LRP1B: variants seen among roughly 807,000 people sequenced by gnomAD.
LRP1B encodes LDL receptor related protein 1B.
In LRP1B, 217 loss-of-function variants were observed where a neutral mutation model predicts 556.6. The ratio of observed to expected loss-of-function variants is 0.39; its 90% CI spans 0.35 to 0.44. The LOEUF (loss-of-function observed/expected upper bound fraction) is 0.44. LRP1B is among the 20% of genes least tolerant of loss of function. The pLI is 1.00. For synonymous variants in LRP1B, 2,047 were observed against 1,865.8 expected, an observed-to-expected ratio of 1.10 and a Z score of -2.50; for missense variants, 5,053 against 5,620.8, an observed-to-expected ratio of 0.90 and a Z score of 3.23.
intron 3 of LRP1B, among the ~76,000 whole-genome samples, chr2:141,360,862 A>G (rs1688801010): frequency 6.6e-6 from 1 of 152,214 alleles, no homozygotes; most frequent in Non-Finnish European, 1.5e-5. Context: ...AAGCATATAA[A>G]TATATAGCAC....
chr2:141,554,105 A>G (rs1347123249), intron 2 of LRP1B, among the ~76,000 whole-genome samples: 1 of 143,706 alleles, frequency 7.0e-6, no homozygotes, highest in African/African-American at 2.5e-5. Context: ...ATATATCTAT[A>G]TTAATAGACA....
intron 2 of LRP1B, among the ~76,000 whole-genome samples, chr2:141,776,054 G>C (rs1198817112): frequency 6.6e-6 from 1 of 151,934 alleles, no homozygotes. Flanking sequence ...CACCATGTTA[G>C]CCAGGATGGT....
intron 18 of LRP1B, among the ~76,000 whole-genome samples, chr2:140,956,732 T>C (rs1695884879): frequency 6.6e-6 from 1 of 151,752 alleles, no homozygotes; most frequent in Non-Finnish European, 1.5e-5. Flanking sequence ...TCATTTTATA[T>C]ACCAAGTATA....
At chr2:141,142,730 A>G (rs902968826) in intron 7 of LRP1B, among the ~76,000 whole-genome samples, 1 of 152,092 alleles carries the variant, frequency 6.6e-6, no homozygotes. Flanking sequence ...GAAAATAATC[A>G]TAATAGGAAT....
intron 90 of LRP1B, among the ~76,000 whole-genome samples, chr2:140,234,535 A>G (rs762731407): frequency 4.6e-4 from 70 of 151,412 alleles, no homozygotes; most frequent in Non-Finnish European, 5.3e-4. Context: ...TGTTCACTGT[A>G]AAGGGACAAT....
chr2:140,432,513 A>G (rs1685995460), intron 66 of LRP1B, among the ~76,000 whole-genome samples: 1 of 152,184 alleles, frequency 6.6e-6, no homozygotes, highest in Non-Finnish European at 1.5e-5. Flanking sequence ...ATAGCCAGTT[A>G]TTACTGCTCA....
rs74326030 is a variant in LRP1B, at chr2:141,020,811, G to A, written c.1790-709C>T. Among the ~76,000 whole-genome samples, 732 of 151,956 alleles carry A rather than the reference G, an allele frequency of 4.8e-3. 7 individuals are homozygous for A. The highest frequency in any genetic ancestry group is 0.017 in the African/African-American group (698 of 41,484). The stretch of plus-strand genomic sequence containing the variant: ...AATTCAAACCCTTTATTTTATAAAG[G>A]GGGGGTAACTAAAACTTCAAAGTGA... On this transcript the variant is annotated intron_variant, in intron 11 of 90. Coordinates refer to ENST00000389484, the MANE Select transcript of LRP1B (RefSeq NM_018557.3).
intron 35 of LRP1B, among the ~76,000 whole-genome samples, chr2:140,758,619 C>CT (rs1688816038): frequency 6.6e-6 from 1 of 151,894 alleles, no homozygotes; most frequent in African/African-American, 2.4e-5. Context: ...AATCACCATT[C>CT]TTTTTACTTA....
intron 18 of LRP1B, among the ~76,000 whole-genome samples, chr2:140,961,563 T>C (rs938934569): frequency 8.5e-5 from 13 of 152,130 alleles, no homozygotes; most frequent in African/African-American, 3.1e-4. Flanking sequence ...ATTTTTGTTG[T>C]ATATCACTTC....
intron 1 of LRP1B, among the ~76,000 whole-genome samples, chr2:141,898,726 A>C (rs1699530408): frequency 6.6e-6 from 1 of 152,112 alleles, no homozygotes; most frequent in African/African-American, 2.4e-5. Flanking sequence ...GCAGGAAGTA[A>C]ATTTGTTGTG....
At chr2:140,697,927 A>C (rs1179595302) in intron 41 of LRP1B, among the ~76,000 whole-genome samples, 1 of 152,104 alleles carries the variant, frequency 6.6e-6, no homozygotes, top group African/African-American at 2.4e-5. Context: ...AAAATCTCAA[A>C]TGTTATTTTA....
intron 1 of LRP1B, among the ~76,000 whole-genome samples, chr2:142,099,235 G>A (rs1259838702): frequency 6.6e-6 from 1 of 151,812 alleles, no homozygotes; most frequent in Non-Finnish European, 1.5e-5. Context: ...TGATCTTACT[G>A]AGATATTTCA....
chr2:140,466,087 G>A (rs952259136), intron 60 of LRP1B, among the ~76,000 whole-genome samples: 2 of 149,904 alleles, frequency 1.3e-5, no homozygotes, highest in African/African-American at 4.9e-5. Context: ...AGGTCGGGGG[G>A]TGGGAAGTAT....
chr2:140,672,093 A>G (rs1685504876), intron 41 of LRP1B, among the ~76,000 whole-genome samples: 1 of 152,190 alleles, frequency 6.6e-6, no homozygotes, highest in African/African-American at 2.4e-5. Context: ...GACCTGTAAA[A>G]CTAGAAAATA....
At chr2:141,320,231 C>T (rs1687187112) in intron 3 of LRP1B, among the ~76,000 whole-genome samples, 1 of 152,014 alleles carries the variant, frequency 6.6e-6, no homozygotes, top group South Asian at 2.1e-4. Context: ...TTTTAAATTA[C>T]TTTTATAATA....
chr2:140,582,509 T>C (rs1681810686), intron 43 of LRP1B, among the ~76,000 whole-genome samples: 1 of 152,214 alleles, frequency 6.6e-6, no homozygotes, highest in African/African-American at 2.4e-5. Flanking sequence ...GAGGTGGGAC[T>C]TTTAGGAGCT....
At chr2:141,085,343 A>G (rs1305510735) in intron 7 of LRP1B, among the ~76,000 whole-genome samples, 1 of 152,196 alleles carries the variant, frequency 6.6e-6, no homozygotes, top group Non-Finnish European at 1.5e-5. Context: ...TTGAAACCTT[A>G]ACTGTTTGTA....
chr2:141,239,554 T>C (rs1683785190), intron 5 of LRP1B, among the ~76,000 whole-genome samples: 1 of 151,946 alleles, frequency 6.6e-6, no homozygotes. Context: ...ATTATATGAG[T>C]CTAATCCTCG....
At chr2:140,250,258 T>G (rs1203554976) in intron 86 of LRP1B, among the ~76,000 whole-genome samples, 3 of 151,856 alleles carry the variant, frequency 2.0e-5, no homozygotes, top group African/African-American at 7.2e-5. Flanking sequence ...CAGCTTTATC[T>G]TATGTGCTGA....
Sources: gnomAD v4.1 joint callset for allele counts (sites outside exome capture counted in the v4.1 genomes callset) on GRCh38, gnomAD v4.1.1 for gene constraint, MANE v1.5 for transcripts, NCBI Gene and HGNC (gene_info 2026-07-23, HGNC 2026-07-21) for gene names.